Variants in DOCK2 observed in about 807,000 individuals in gnomAD.
The protein encoded by DOCK2 is dedicator of cytokinesis protein 2.
Under a neutral mutation model 248.9 loss-of-function variants are expected in DOCK2, and 87 were observed. The ratio of observed to expected loss-of-function variants is 0.35; its 90% CI spans 0.29 to 0.42. DOCK2 has a LOEUF of 0.42. Ranked by LOEUF, DOCK2 falls within the 10% of genes least tolerant of loss-of-function variation. DOCK2 has a pLI of 1.00. For synonymous variants in DOCK2, 805 were observed against 821.6 expected (o/e 0.98, Z 0.35); for missense variants, 1,747 against 2,300.2 (o/e 0.76, Z 4.92).
chr5:169,717,498 C>T lies in DOCK2; in HGVS notation c.2132+14C>T, dbSNP rs753879120. ...CTTGGCTTACAAGTAAGTAATTGTG[C>T]ACATGGGAACTTCTTCTCTACCACC... On this transcript the variant is annotated intron_variant, in intron 21 of 51. Transcript: ENST00000520908. 3.1e-6 allele frequency: 5 copies of T among 1,611,058 alleles called. No individual in the cohort carries two copies. In the South Asian group the frequency reaches 5.5e-5, roughly 18 times the overall value.
At chr5:169,980,674 C>T (rs1777910139) in intron 27 of DOCK2, 2 of 152,126 alleles carry the variant, frequency 1.3e-5, no homozygotes, top group Non-Finnish European at 2.9e-5. Context: ...TTGCATTTGG[C>T]CTGGCTGGAG....
chr5:169,793,938 C>T (rs1227248219), intron 25 of DOCK2, among the ~76,000 whole-genome samples: 2 of 152,144 alleles, frequency 1.3e-5, no homozygotes, highest in South Asian at 2.1e-4. Flanking sequence ...CCCGGCTCAG[C>T]GAGGCCTTCG....
At position 169,864,309 on chromosome 5, in the gene DOCK2, G is replaced by A. The variant is rs201654163; in HGVS notation, c.2799+23457G>A. 9,644 of 1,551,554 alleles carry A rather than the reference G, an allele frequency of 6.2e-3. 601 individuals are homozygous for A. The South Asian group carries it at 0.11, about 17-fold the overall frequency. ...AGAAGCATTTCTTTTTCACCTTCTTGGTTTTCCGCCTTAAGTCCTGCTTTT... is the reference window on the plus strand; with the variant it reads ...AGAAGCATTTCTTTTTCACCTTCTTAGTTTTCCGCCTTAAGTCCTGCTTTT... On this transcript the variant is annotated intron_variant, in intron 27 of 51. Coordinates refer to ENST00000520908, the MANE Select transcript of DOCK2 (RefSeq NM_004946.3).
At chr5:169,737,375 A>G (rs886841334) in intron 22 of DOCK2, among the ~76,000 whole-genome samples, 1 of 152,196 alleles carries the variant, frequency 6.6e-6, no homozygotes, top group Non-Finnish European at 1.5e-5. Flanking sequence ...GTGTCAGGCC[A>G]TGACCTCTAG....
At chr5:169,654,843 C>T (rs938198687) in intron 2 of DOCK2, among the ~76,000 whole-genome samples, 1 of 152,194 alleles carries the variant, frequency 6.6e-6, no homozygotes, top group African/African-American at 2.4e-5. Context: ...AATCACACCT[C>T]TAATTCCAGG....
chr5:169,707,827 G>C (rs1455160416), intron 14 of DOCK2, among the ~76,000 whole-genome samples: 1 of 152,162 alleles, frequency 6.6e-6, no homozygotes, highest in Admixed American at 6.5e-5. Flanking sequence ...TTCACATTTA[G>C]GAAACAAATA....
intron 46 of DOCK2, among the ~76,000 whole-genome samples, chr5:170,069,847 CTCTG>C (rs940530909): frequency 3.9e-5 from 6 of 152,106 alleles, no homozygotes; most frequent in Non-Finnish European, 8.8e-5. Flanking sequence ...TTCCTGTGGA[CTCTG>C]TCTTTCCTCC....
In DOCK2 at chr5:169,879,284, G is replaced by T. The variant is rs1242833127; in HGVS notation, c.2799+38432G>T. Among the ~76,000 whole-genome samples the T allele has an allele frequency of 1.5e-3, 223 of 152,280 alleles. 1 individual carries two copies. The highest frequency in any genetic ancestry group is 4.7e-3 in the African/African-American group (195 of 41,558). ...ACGGCTTAACAAGGCCTGGGGATGA[G>T]TATTTCACATCACTTATTCATTCGT... On this transcript the variant is annotated intron_variant, in intron 27 of 51. Coordinates refer to ENST00000520908, the MANE Select transcript of DOCK2 (RefSeq NM_004946.3).
At chr5:169,910,491 T>C (rs1774533773) in intron 27 of DOCK2, among the ~76,000 whole-genome samples, 1 of 152,216 alleles carries the variant, frequency 6.6e-6, no homozygotes, top group Non-Finnish European at 1.5e-5. Flanking sequence ...GGAGGCGTGC[T>C]TACCTTTTCT....
At chr5:169,848,093 G>A (rs1438380313) in intron 27 of DOCK2, among the ~76,000 whole-genome samples, 1 of 152,182 alleles carries the variant, frequency 6.6e-6, no homozygotes, top group Non-Finnish European at 1.5e-5. Flanking sequence ...GATTTTATGT[G>A]CCCATAAGAA....
At chr5:169,926,937 C>T (rs1030654543) in intron 27 of DOCK2, among the ~76,000 whole-genome samples, 2 of 152,174 alleles carry the variant, frequency 1.3e-5, no homozygotes, top group African/African-American at 4.8e-5. Flanking sequence ...TAGGGAAGAA[C>T]TAAAGCTTGG....
chr5:169,854,247 A>G lies in DOCK2; in HGVS notation c.2799+13395A>G, dbSNP rs567749339. On this transcript the variant is annotated intron_variant, in intron 27 of 51. Transcript: ENST00000520908. ...GTTGCCCAGGCTGGAGTGCAGTGGC[A>G]TGATCTCAGTTCACTGCAACCTCCA... Among the ~76,000 whole-genome samples, 3 of 150,568 alleles carry G rather than the reference A, an allele frequency of 2.0e-5. No homozygotes were observed. In the South Asian group the frequency reaches 6.3e-4, roughly 32 times the overall value.
intron 29 of DOCK2, among the ~76,000 whole-genome samples, chr5:169,986,370 G>T (rs930632842): frequency 1.3e-5 from 2 of 152,108 alleles, no homozygotes; most frequent in Non-Finnish European, 2.9e-5. Context: ...CTAAGAGGAG[G>T]ATTTAGGGTA....
chr5:169,832,196 T>C (rs917611428), intron 26 of DOCK2, among the ~76,000 whole-genome samples: 1 of 152,250 alleles, frequency 6.6e-6, no homozygotes, highest in South Asian at 2.1e-4. Flanking sequence ...GTCAAGTCTA[T>C]ATGCACAGTT....
chr5:169,761,710 A>G (rs1764498704), intron 25 of DOCK2, 85 bp downstream of exon 25: 8 of 1,082,166 alleles, frequency 7.4e-6, no homozygotes, highest in South Asian at 4.0e-5. Context: ...GGAGAGGGCA[A>G]CCTGTCCAGT....
chr5:169,919,114 G>A (rs1775036560), intron 27 of DOCK2, among the ~76,000 whole-genome samples: 1 of 152,188 alleles, frequency 6.6e-6, no homozygotes, highest in Non-Finnish European at 1.5e-5. Context: ...TTGATTGCTT[G>A]TGGAATTGAT....
chr5:169,901,832 T>C (rs1773942995), intron 27 of DOCK2, among the ~76,000 whole-genome samples: 1 of 152,134 alleles, frequency 6.6e-6, no homozygotes, highest in Non-Finnish European at 1.5e-5. Context: ...TGTGCTATGG[T>C]GTTACCACCA....
rs753912386 is a variant in DOCK2 at position 170,042,129 on chromosome 5, A to C, written c.3873A>C (p.Gly1291=). 2 of 1,610,742 alleles carry C rather than the reference A, an allele frequency of 1.2e-6. No homozygotes were observed. Among genetic ancestry groups the C allele is most frequent in the Non-Finnish European group, 1.7e-6 (2 of 1,178,130 alleles). The change falls in exon 38 of 52, where the codon GGA becomes GGC. Residue 1291 remains glycine (G), a synonymous_variant. Transcript: ENST00000520908. ...YETIIGYFDK[G]KMWEEAISLC... Reference sequence around the variant, plus strand: ...CCATCATAGGCTACTTTGACAAAGGAAAGGTAATCTGTCCCTGCCCACCCC... The same window carrying C: ...CCATCATAGGCTACTTTGACAAAGGCAAGGTAATCTGTCCCTGCCCACCCC...
intron 27 of DOCK2, among the ~76,000 whole-genome samples, chr5:169,923,526 A>T (rs926679798): frequency 5.3e-5 from 8 of 151,920 alleles, no homozygotes; most frequent in Non-Finnish European, 4.4e-5. Context: ...TTGCAGGGGA[A>T]TTTTGAGCCA....
Sources: gnomAD v4.1 joint callset for allele counts (sites outside exome capture counted in the v4.1 genomes callset) on GRCh38, gnomAD v4.1.1 for gene constraint, MANE v1.5 for transcripts, NCBI Gene and HGNC (gene_info 2026-07-23, HGNC 2026-07-21) for gene names.